Variants in TFDP1 observed in about 807,000 individuals in gnomAD.
TFDP1 encodes the protein transcription factor Dp-1.
TFDP1 carries 6 observed loss-of-function variants against 48.0 expected under a neutral mutation model. That is an observed-to-expected ratio of 0.13 (90% CI 0.07 to 0.25). The LOEUF (loss-of-function observed/expected upper bound fraction) is 0.25. TFDP1 is among the 10% of genes least tolerant of loss of function. The pLI is 1.00. For synonymous variants in TFDP1, 201 were observed against 211.6 expected (o/e 0.95, Z 0.44); for missense variants, 335 against 543.0 (o/e 0.62, Z 3.81).
intron 2 of TFDP1, among the ~76,000 whole-genome samples, chr13:113,589,537 GT>G (rs2140266547): frequency 6.6e-6 from 1 of 152,326 alleles, no homozygotes; most frequent in South Asian, 2.1e-4. Context: ...GACTCTTTGA[GT>G]TTCTGAACTG....
chr13:113,607,395 T>C lies in TFDP1; in HGVS notation c.13-3601T>C, dbSNP rs2048596295. 6.6e-6 allele frequency among the ~76,000 whole-genome samples: 1 copy of C among 152,232 alleles called. No individual in the cohort carries two copies. Among genetic ancestry groups the C allele is most frequent in the South Asian group, 2.1e-4 (1 of 4,836 alleles). ...GAAGTGCTGTCTGCCATTTCCACTT[T>C]CAGAAGCATGAGTTGCATAAGGAAG... is the stretch of plus-strand genomic sequence containing the variant. On this transcript the variant is annotated intron_variant, in intron 2 of 11. Coordinates refer to ENST00000375370, the MANE Select transcript of TFDP1 (RefSeq NM_007111.5). This position sits in a 1 kb window ranked among gnomAD's most constrained non-coding sequence, Gnocchi z 5.2.
At chr13:113,614,894 G>A (rs930128293) in intron 3 of TFDP1, among the ~76,000 whole-genome samples, 4 of 152,150 alleles carry the variant, frequency 2.6e-5, no homozygotes, top group Non-Finnish European at 4.4e-5. Context: ...CCTTCAGTGG[G>A]TTAGACGAGG....
At chr13:113,592,154 CTGTT>C (rs147630016) in intron 2 of TFDP1, among the ~76,000 whole-genome samples, 11,411 of 152,116 alleles carry the variant, frequency 0.075, 513 homozygotes, top group African/African-American at 0.1. Context: ...TATGTGAATC[CTGTT>C]TGTTTGTTTG....
Position 113,635,412 on chromosome 13 carries a change from G to A in TFDP1, c.688-565G>A, listed in dbSNP as rs551885622. Among the ~76,000 whole-genome samples, 12 of 152,294 alleles carry A rather than the reference G, an allele frequency of 7.9e-5. No homozygotes were observed. The East Asian group carries it at 1.2e-3, about 15-fold the overall frequency. ...AGGTGGGGATAGACCCAGGGTGGCC[G>A]GGAGAGGAAGGGAATCTCCTGGCTC... On this transcript the variant is annotated intron_variant, in intron 8 of 11. Coordinates refer to ENST00000375370, the MANE Select transcript of TFDP1 (RefSeq NM_007111.5).
chr13:113,632,018 C>G, intron 5 of TFDP1: 1 of 432,772 alleles, frequency 2.3e-6, no homozygotes, highest in Non-Finnish European at 4.1e-6. Context: ...AGCTCTTGGC[C>G]AAGACGGGGA....
At chr13:113,619,284 C>A (rs1043363810) in intron 3 of TFDP1, among the ~76,000 whole-genome samples, 1 of 152,064 alleles carries the variant, frequency 6.6e-6, no homozygotes, top group Non-Finnish European at 1.5e-5. Context: ...ACCAGCCTGG[C>A]CAACATGGTG....
intron 3 of TFDP1, among the ~76,000 whole-genome samples, chr13:113,619,548 C>T (rs1240713388): frequency 6.6e-6 from 1 of 151,576 alleles, no homozygotes; most frequent in Non-Finnish European, 1.5e-5. Context: ...ACTGCCACTG[C>T]CCTTTCCAGC....
intron 2 of TFDP1, among the ~76,000 whole-genome samples, chr13:113,590,124 G>C (rs1195935761): frequency 6.6e-6 from 1 of 152,220 alleles, no homozygotes; most frequent in Non-Finnish European, 1.5e-5. Flanking sequence ...ACTCGCTCTT[G>C]GGCTGTGCGG....
rs939133809 is a variant in TFDP1 at position 113,595,742 on chromosome 13, G to A, written c.12+9893G>A. Among the ~76,000 whole-genome samples the A allele has an allele frequency of 5.9e-5, 9 of 152,358 alleles. No homozygotes were observed. In the South Asian group the frequency reaches 6.2e-4, roughly 11 times the overall value. On this transcript the variant is annotated intron_variant, in intron 2 of 11. Coordinates refer to ENST00000375370, the MANE Select transcript of TFDP1 (RefSeq NM_007111.5). The stretch of plus-strand genomic sequence containing the variant: ...TTTCAGCACAGTGTGAGGTATAGCC[G>A]TCAGGCTTTTTAGCTGCTGTGTAGT...
At chr13:113,640,019 ACC>A (rs2049601840) in intron 11 of TFDP1, 99 bp from the exon 12 acceptor site, 1 of 860,558 alleles carries the variant, frequency 1.2e-6, no homozygotes, top group African/African-American at 1.7e-5. Flanking sequence ...CAAAACCCAC[ACC>A]TGTGGGGCAC....
At chr13:113,597,096 C>G (rs2048306399) in intron 2 of TFDP1, among the ~76,000 whole-genome samples, 1 of 152,186 alleles carries the variant, frequency 6.6e-6, no homozygotes, top group Non-Finnish European at 1.5e-5. Context: ...CCGCTCCGTT[C>G]TGACCCCAGG....
At chr13:113,590,060 C>T (rs2048102691) in intron 2 of TFDP1, among the ~76,000 whole-genome samples, 1 of 152,226 alleles carries the variant, frequency 6.6e-6, no homozygotes, top group South Asian at 2.1e-4. Flanking sequence ...TTTCTGGGGT[C>T]CCGTTCGCCT....
rs374939623 is a variant in TFDP1 at position 113,623,243 on chromosome 13, C to T, written c.143C>T (p.Pro48Leu). 2.5e-6 allele frequency: 4 copies of T among 1,613,530 alleles called. No homozygotes were observed. The highest frequency in any genetic ancestry group is 3.4e-6 in the Non-Finnish European group (4 of 1,179,766). ...AACCCGCTCGGGAAGCAGCTCTTGC[C>T]AAAAACCTTTGGACAGTCCAATGTC... is the stretch of plus-strand genomic sequence containing the variant. ...TVNPLGKQLL[P>L]KTFGQSNVNI... The change falls in exon 4 of 12, where the codon CCA becomes CTA. Residue 48 changes from proline (P) to leucine (L), a missense_variant. This residue lies in a region of TFDP1 where 103 missense variants were observed against 140.4 expected (regional missense o/e 0.73). Transcript: ENST00000375370. This position sits in a 1 kb window ranked among gnomAD's most constrained non-coding sequence, Gnocchi z 5.2.
intron 2 of TFDP1, among the ~76,000 whole-genome samples, chr13:113,602,311 T>G (rs1173019953): frequency 1.3e-5 from 2 of 149,332 alleles, no homozygotes; most frequent in Non-Finnish European, 1.5e-5. Context: ...CCCGCAGGAG[T>G]TGAGGGAGGA....
intron 4 of TFDP1, among the ~76,000 whole-genome samples, chr13:113,630,529 T>G (rs1359920267): frequency 6.6e-6 from 1 of 152,110 alleles, no homozygotes; most frequent in Non-Finnish European, 1.5e-5. Context: ...ATCGGCCACA[T>G]GAAGCCCCCC....
chr13:113,598,686 C>A lies in TFDP1; in HGVS notation c.13-12310C>A, dbSNP rs77777085. Among the ~76,000 whole-genome samples the A allele has an allele frequency of 2.0e-5, 3 of 152,216 alleles. No homozygotes were observed. The highest frequency in any genetic ancestry group is 6.5e-5 in the Admixed American group (1 of 15,288). On this transcript the variant is annotated intron_variant, in intron 2 of 11. Coordinates refer to ENST00000375370, the MANE Select transcript of TFDP1 (RefSeq NM_007111.5). This position sits in a 1 kb window ranked among gnomAD's most constrained non-coding sequence, Gnocchi z 4.2. ...GTGTTGCCCTCCTGGGTGGAGTCTGCGTCCCCCTTTCCTGGTCATTTAAGT... is the reference window on the plus strand; with the variant it reads ...GTGTTGCCCTCCTGGGTGGAGTCTGAGTCCCCCTTTCCTGGTCATTTAAGT...
At chr13:113,636,402 G>T in intron 9 of TFDP1, 132 bp from the exon 10 acceptor site, 1 of 1,095,988 alleles carries the variant, frequency 9.1e-7, no homozygotes, top group Non-Finnish European at 1.3e-6. Context: ...TAAATTCTGT[G>T]AGGAGACACT....
At chr13:113,636,355 C>T (rs561009588) in intron 9 of TFDP1, among the ~76,000 whole-genome samples, 179 bp from the exon 10 acceptor site, 2 of 152,326 alleles carry the variant, frequency 1.3e-5, no homozygotes, top group African/African-American at 4.8e-5. Context: ...GAGAATAGGC[C>T]TCGATTTGCC....
intron 3 of TFDP1, among the ~76,000 whole-genome samples, chr13:113,617,682 G>A (rs1158926162): frequency 7.4e-6 from 1 of 135,486 alleles, no homozygotes; most frequent in African/African-American, 3.5e-5. Context: ...CCGCTCACCT[G>A]CAGAGCTGCT....
Sources: allele counts gnomAD v4.1 joint callset (sites outside exome capture counted in the v4.1 genomes callset), GRCh38; gene constraint gnomAD v4.1.1; regional missense constraint gnomAD v4.1.1; non-coding constraint Gnocchi (gnomAD v3.1); transcripts MANE v1.5; gene names NCBI Gene and HGNC (gene_info 2026-07-23, HGNC 2026-07-21).